Variants in ADGRG1 observed in about 807,000 individuals in gnomAD.
ADGRG1 encodes the protein 7-transmembrane protein with no EGF-like N-terminal domains-1.
ADGRG1 carries 53 observed loss-of-function variants against 73.5 expected under a neutral mutation model. The observed-to-expected ratio is 0.72, with a 90% CI of 0.58 to 0.91. ADGRG1 has a LOEUF of 0.91. ADGRG1 is among the 40% of genes least tolerant of loss of function. The probability of loss-of-function intolerance (pLI) is 0.00; values close to 1 mark genes in which losing one functional copy is unlikely to be tolerated. For missense variants in ADGRG1, 795 were observed against 871.8 expected, an observed-to-expected ratio of 0.91 and a Z score of 1.11; for synonymous variants, 394 against 374.4, an observed-to-expected ratio of 1.05 and a Z score of -0.60.
At chr16:57,651,024 A>G (rs2043951698) in intron 2 of ADGRG1, 176 bp from the exon 3 acceptor site, 2 of 1,522,932 alleles carry the variant, frequency 1.3e-6, no homozygotes, top group Non-Finnish European at 1.8e-6. Flanking sequence ...TCCTCTTTTT[A>G]TAGTTTGATG....
At chr16:57,632,315 G>A (rs974481063) in intron 1 of ADGRG1, 159 of 985,434 alleles carry the variant, frequency 1.6e-4, no homozygotes, top group Admixed American at 7.4e-4. Flanking sequence ...GCTTGCCCAG[G>A]GAGAATCTTG....
At chr16:57,657,206 C>A in intron 9 of ADGRG1, 167 bp from the exon 10 acceptor site, 2 of 392,634 alleles carry the variant, frequency 5.1e-6, no homozygotes, top group Non-Finnish European at 6.9e-6. Context: ...AAGATGCCCC[C>A]ACTCCAGAAA....
upstream of ADGRG1, chr16:57,626,606 A>G (rs1338141652): frequency 1.0e-6 from 1 of 985,292 alleles, no homozygotes; most frequent in African/African-American, 1.7e-5. Flanking sequence ...AGCCTCTCCT[A>G]TGTGGCCAGA....
chr16:57,626,933 G>A, upstream of ADGRG1: 1 of 985,460 alleles, frequency 1.0e-6, no homozygotes, highest in Non-Finnish European at 1.2e-6. Context: ...GGCCTCTGCT[G>A]CTTTGGCAAT....
intron 1 of ADGRG1, among the ~76,000 whole-genome samples, chr16:57,644,629 TGC>T (rs2041922350): frequency 4.3e-5 from 6 of 139,638 alleles, no homozygotes; most frequent in Middle Eastern, 4.8e-3. Context: ...CGCACACACA[TGC>T]ACACTCATGC....
chr16:57,642,102 G>A, intron 1 of ADGRG1: 1 of 985,320 alleles, frequency 1.0e-6, no homozygotes. Flanking sequence ...TAAAACTCTT[G>A]CATCTTCATA....
Position 57,661,679 on chromosome 16 carries a change from T to A in ADGRG1, c.1665-18T>A. On this transcript the variant is annotated intron_variant, in intron 12 of 13. Coordinates refer to ENST00000562631, the MANE Select transcript of ADGRG1 (RefSeq NM_201525.4). ...CCCGTGCTGGCCACACGCTGAGCCCTCCTGCCTTTGCCCGCAGGTGCTGGA... is the reference window on the plus strand; with the variant it reads ...CCCGTGCTGGCCACACGCTGAGCCCACCTGCCTTTGCCCGCAGGTGCTGGA... 1 of 1,610,266 alleles carries A rather than the reference T, an allele frequency of 6.2e-7. No homozygotes were observed. The highest frequency in any genetic ancestry group is 8.5e-7 in the Non-Finnish European group (1 of 1,178,480).
intron 1 of ADGRG1, chr16:57,634,675 C>A (rs2038909709): frequency 5.4e-6 from 1 of 185,740 alleles, no homozygotes; most frequent in Non-Finnish European, 1.0e-5. Context: ...GTAGTGAGTT[C>A]CCCACCTTTG....
At chr16:57,622,904 A>C (rs771020936), upstream of ADGRG1, 7 of 985,460 alleles carry the variant, frequency 7.1e-6, no homozygotes, top group Non-Finnish European at 8.4e-6. Context: ...TGCATTCTGC[A>C]GTGGCCCTTT....
chr16:57,652,714 C>A, intron 3 of ADGRG1: 1 of 1,010,198 alleles, frequency 9.9e-7, no homozygotes, highest in Non-Finnish European at 1.2e-6. Context: ...ACCCTCCAAC[C>A]CCCACTGTTT....
intron 12 of ADGRG1, chr16:57,661,201 A>T: frequency 2.2e-5 from 17 of 778,788 alleles, no homozygotes; most frequent in Non-Finnish European, 2.7e-5. Context: ...CCCCATGCAG[A>T]TGGGAAGACA....
At position 57,651,338 on chromosome 16, in the gene ADGRG1, A is replaced by G. The variant is rs140781731; in HGVS notation, c.203A>G (p.His68Arg). The G allele has an allele frequency of 4.3e-6, 7 of 1,613,952 alleles. No homozygotes were observed. The African/African-American group carries it at 5.3e-5, about 12-fold the overall frequency. ...AACTCCGAAGAGGCCCTCACAGTCCATGCCCCTTTCCCTGCAGCCCACCCT... is the reference window on the plus strand; with the variant it reads ...AACTCCGAAGAGGCCCTCACAGTCCGTGCCCCTTTCCCTGCAGCCCACCCT... ...IENSEEALTV[H>R]APFPAAHPAS... is the part of the protein sequence containing the mutation. Residue 68 changes from histidine to arginine, a missense_variant, in exon 3 of 14, where the codon CAT becomes CGT. Physicochemically the swap from His to Arg is conservative, Grantham distance 29. Coordinates refer to ENST00000562631, the MANE Select transcript of ADGRG1 (RefSeq NM_201525.4).
At chr16:57,637,283 C>T in intron 1 of ADGRG1, 1 of 983,542 alleles carries the variant, frequency 1.0e-6, no homozygotes, top group Non-Finnish European at 1.2e-6. Flanking sequence ...TGAAGTAAGA[C>T]AGTGCTTTGG....
intron 1 of ADGRG1, chr16:57,634,660 G>C (rs186097425): frequency 5.1e-6 from 1 of 195,118 alleles, no homozygotes; most frequent in East Asian, 1.9e-4. Context: ...CCATTCCCAT[G>C]ATAGGTAGTG....
chr16:57,655,635 TTTCCTTGTAAAG>T (rs1262167445), intron 6 of ADGRG1, 105 bp downstream of exon 6: 4 of 1,590,220 alleles, frequency 2.5e-6, no homozygotes, highest in Non-Finnish European at 3.4e-6. Context: ...AGTCAAAGCC[TTTCCTTGTAAAG>T]TTACAAATTG....
chr16:57,643,626 C>T (rs2041424657), intron 1 of ADGRG1: 1 of 984,466 alleles, frequency 1.0e-6, no homozygotes, highest in South Asian at 4.7e-5. Context: ...GTGAGTGGGC[C>T]AGGCCTGGGC....
chr16:57,640,591 G>A (rs562619835), intron 1 of ADGRG1, among the ~76,000 whole-genome samples: 1 of 152,366 alleles, frequency 6.6e-6, no homozygotes, highest in South Asian at 2.1e-4. Flanking sequence ...GGTCAGTGAT[G>A]CTGTGCTGTG....
rs1163004838 is a variant in ADGRG1, at chr16:57,621,774, C to T, written c.-154+379C>T. On this transcript the variant is annotated intron_variant, in intron 2 of 4. Coordinates refer to the ADGRG1 transcript ENST00000561833. ...CAGCTGCCACTCAGACCTCACAGGC[C>T]AGGGCCAAGGGAGCTGCTGATGCAA... The T allele has an allele frequency of 3.0e-5, 23 of 761,092 alleles. No homozygotes were observed. In the Admixed American group the frequency reaches 1.4e-3, roughly 48 times the overall value. The allele number at this position is 761,092 out of a possible 1,614,324, so 47.1% of individuals were successfully genotyped here. A position where few individuals can be genotyped will look rare whatever the true frequency, so the allele number is the denominator to read the frequency against.
chr16:57,631,728 G>A, intron 1 of ADGRG1: 1 of 985,296 alleles, frequency 1.0e-6, no homozygotes, highest in South Asian at 4.7e-5. Context: ...CTCAAACCGG[G>A]TGGGGCGGGG....
Sources: allele counts gnomAD v4.1 joint callset (sites outside exome capture counted in the v4.1 genomes callset), GRCh38; gene constraint gnomAD v4.1.1; transcripts MANE v1.5; gene names NCBI Gene and HGNC (gene_info 2026-07-23, HGNC 2026-07-21).